CAMKMT: variants seen among roughly 807,000 people sequenced by gnomAD.
CAMKMT encodes CaM KMT.
CAMKMT carries 53 observed loss-of-function variants against 48.0 expected under a neutral mutation model. The observed-to-expected ratio is 1.10, with a 90% CI of 0.89 to 1.39. The LOEUF is 1.39. Ranked by LOEUF, CAMKMT falls within the 40% of genes most tolerant of loss-of-function variation. The pLI is 0.00. For missense variants in CAMKMT, 428 were observed against 402.7 expected, an observed-to-expected ratio of 1.06 and a Z score of -0.54; for synonymous variants, 165 against 152.3, an observed-to-expected ratio of 1.08 and a Z score of -0.61.
At chr2:44,673,419 A>T (rs1463131304) in intron 3 of CAMKMT, among the ~76,000 whole-genome samples, 1 of 142,816 alleles carries the variant, frequency 7.0e-6, no homozygotes. Context: ...ACAGAATGAG[A>T]CCCTGTTTAA....
intron 3 of CAMKMT, among the ~76,000 whole-genome samples, chr2:44,617,069 A>C (rs1671933242): frequency 6.6e-6 from 1 of 152,180 alleles, no homozygotes; most frequent in Non-Finnish European, 1.5e-5. Context: ...GTCATGGGAT[A>C]AAATTAGTGC....
intron 3 of CAMKMT, among the ~76,000 whole-genome samples, chr2:44,584,253 T>C (rs1669726927): frequency 6.6e-6 from 1 of 151,972 alleles, no homozygotes; most frequent in Non-Finnish European, 1.5e-5. Context: ...ATTTATTTAT[T>C]CATTTATCCA....
chr2:44,496,579 G>C (rs757896984), intron 3 of CAMKMT, among the ~76,000 whole-genome samples: 1 of 152,186 alleles, frequency 6.6e-6, no homozygotes, highest in Non-Finnish European at 1.5e-5. Flanking sequence ...CTGATGATGA[G>C]AGATGAATAT....
intron 3 of CAMKMT, among the ~76,000 whole-genome samples, chr2:44,460,286 G>T (rs916912780): frequency 6.6e-6 from 1 of 151,994 alleles, no homozygotes; most frequent in African/African-American, 2.4e-5. Context: ...TAAATAACTT[G>T]TTTCAAAATA....
rs985538217 is a variant in CAMKMT at position 44,402,572 on chromosome 2, A to G, written c.376+12267A>G. Among the ~76,000 whole-genome samples, 22 of 151,860 alleles carry G rather than the reference A, an allele frequency of 1.4e-4. No individual in the cohort carries two copies. In the South Asian group the frequency reaches 1.9e-3, roughly 13 times the overall value. ...ACATTGTGTTGGACATTTCTTGGGC[A>G]CTTTTCAGTTTAGAAAGTCATATTT... On this transcript the variant is annotated intron_variant, in intron 3 of 10. Coordinates refer to ENST00000378494, the MANE Select transcript of CAMKMT (RefSeq NM_024766.5).
At chr2:44,655,221 C>G (rs1674311092) in intron 3 of CAMKMT, among the ~76,000 whole-genome samples, 1 of 152,124 alleles carries the variant, frequency 6.6e-6, no homozygotes, top group Non-Finnish European at 1.5e-5. Context: ...CAATAATAAA[C>G]ACATTTTTAT....
At chr2:44,714,077 A>G (rs1055308512) in intron 6 of CAMKMT, among the ~76,000 whole-genome samples, 4 of 152,176 alleles carry the variant, frequency 2.6e-5, no homozygotes, top group Admixed American at 1.3e-4. Context: ...AATGAATGGG[A>G]AAGTGAGGGC....
intron 3 of CAMKMT, among the ~76,000 whole-genome samples, chr2:44,459,185 C>CA (rs1471005799): frequency 2.6e-5 from 4 of 151,892 alleles, no homozygotes; most frequent in African/African-American, 9.7e-5. Context: ...ATTCATAGAA[C>CA]ATAGTTTTGA....
At chr2:44,402,123 T>C (rs555173002) in intron 3 of CAMKMT, among the ~76,000 whole-genome samples, 1 of 152,118 alleles carries the variant, frequency 6.6e-6, no homozygotes, top group South Asian at 2.1e-4. Flanking sequence ...GGTTGGGCGT[T>C]CGAGACCAGC....
chr2:44,367,301 T>A (rs556872269), intron 1 of CAMKMT, among the ~76,000 whole-genome samples: 1 of 152,336 alleles, frequency 6.6e-6, no homozygotes, highest in South Asian at 2.1e-4. Flanking sequence ...AGATCTTAAA[T>A]GCTTCAATAT....
intron 3 of CAMKMT, among the ~76,000 whole-genome samples, chr2:44,678,182 CT>C (rs1208435291): frequency 6.6e-6 from 1 of 152,088 alleles, no homozygotes; most frequent in Non-Finnish European, 1.5e-5. Context: ...TTATGAGTAG[CT>C]TGGAAAAAAA....
intron 3 of CAMKMT, among the ~76,000 whole-genome samples, chr2:44,571,799 G>A (rs73924673): frequency 0.076 from 11,622 of 152,050 alleles, 600 homozygotes; most frequent in Admixed American, 0.19. Context: ...AACACAGTGA[G>A]ACCCTGTCTC....
chr2:44,380,888 A>G (rs1443369913), intron 2 of CAMKMT, among the ~76,000 whole-genome samples: 1 of 152,128 alleles, frequency 6.6e-6, no homozygotes, highest in Non-Finnish European at 1.5e-5. Context: ...TCGGCCGGGC[A>G]TGGTGGCTCA....
At chr2:44,658,119 C>G (rs1367785080) in intron 3 of CAMKMT, among the ~76,000 whole-genome samples, 1 of 152,168 alleles carries the variant, frequency 6.6e-6, no homozygotes, top group African/African-American at 2.4e-5. Context: ...CATTGAGCCT[C>G]CTGTGTAAAG....
chr2:44,433,158 CAA>C (rs1481231430), intron 3 of CAMKMT, among the ~76,000 whole-genome samples: 9 of 152,008 alleles, frequency 5.9e-5, no homozygotes, highest in Admixed American at 3.3e-4. Flanking sequence ...AATTTTAGTT[CAA>C]GTTAAAATAG....
intron 3 of CAMKMT, among the ~76,000 whole-genome samples, chr2:44,396,068 A>T (rs1681810289): frequency 6.6e-6 from 1 of 152,120 alleles, no homozygotes. Context: ...ATTGCCTAGG[A>T]ATTTAGGAAA....
chr2:44,432,314 C>G (rs747813723), intron 3 of CAMKMT, among the ~76,000 whole-genome samples: 11 of 152,126 alleles, frequency 7.2e-5, no homozygotes, highest in Non-Finnish European at 1.6e-4. Context: ...TCCCCTGACT[C>G]TCCTGTGACT....
intron 3 of CAMKMT, among the ~76,000 whole-genome samples, chr2:44,650,323 G>T (rs928734521): frequency 6.6e-6 from 1 of 152,098 alleles, no homozygotes; most frequent in Non-Finnish European, 1.5e-5. Flanking sequence ...CACGTGGCCG[G>T]TCATATTGGA....
chr2:44,771,476 A>C (rs139189543), intron 10 of CAMKMT, among the ~76,000 whole-genome samples: 2 of 151,922 alleles, frequency 1.3e-5, no homozygotes, highest in African/African-American at 4.8e-5. Context: ...GAATGTTGCT[A>C]GTCTAATTGT....
Sources: gnomAD v4.1 joint callset for allele counts (sites outside exome capture counted in the v4.1 genomes callset) on GRCh38, gnomAD v4.1.1 for gene constraint, MANE v1.5 for transcripts, NCBI Gene and HGNC (gene_info 2026-07-23, HGNC 2026-07-21) for gene names.